Variants in OGFOD3 observed in about 807,000 individuals in gnomAD.
The protein encoded by OGFOD3 is 2-oxoglutarate and iron dependent oxygenase domain containing 3.
OGFOD3 carries 35 observed loss-of-function variants against 39.8 expected under a neutral mutation model. The observed-to-expected ratio is 0.88, with a 90% confidence interval of 0.67 to 1.17. The LOEUF (loss-of-function observed/expected upper bound fraction) is 1.17. OGFOD3 is among the 50% of genes most tolerant of loss of function. The pLI, the probability that OGFOD3 is intolerant of heterozygous loss-of-function variation, is 0.00. For missense variants in OGFOD3, 438 were observed against 454.5 expected (o/e 0.96, Z 0.33); for synonymous variants, 200 against 192.0 (o/e 1.04, Z -0.34).
chr17:82,411,459 G>A lies in OGFOD3; in HGVS notation c.376C>T (p.Arg126Cys), dbSNP rs368625223. 2.0e-5 allele frequency: 33 copies of A among 1,613,894 alleles called. No homozygotes were observed. In the African/African-American group the frequency reaches 2.5e-4, roughly 12 times the overall value. The change falls in exon 3 of 9, where the codon CGC becomes TGC. Residue 126 changes from arginine (R) to cysteine (C), a missense_variant. Coordinates refer to ENST00000313056, the MANE Select transcript of OGFOD3 (RefSeq NM_024648.3). ...VITREEAERIRSVAEKGLSLG... is the reference protein window; with the variant it reads ...VITREEAERICSVAEKGLSLG... Reference sequence around the variant, plus strand: ...TGCTCAGGGACAGGCGGTTACCTGCGAATCCGCTCCGCTTCCTCCCTGGTG... The same window carrying A: ...TGCTCAGGGACAGGCGGTTACCTGCAAATCCGCTCCGCTTCCTCCCTGGTG...
intron 8 of OGFOD3, chr17:82,393,110 G>A: frequency 6.5e-6 from 1 of 152,932 alleles, no homozygotes; most frequent in Non-Finnish European, 1.5e-5. Context: ...GGAGGCAGGG[G>A]CCTATCTCAA....
At chr17:82,417,428 G>A in intron 1 of OGFOD3, 1 of 152,178 alleles carries the variant, frequency 6.6e-6, no homozygotes, top group South Asian at 2.1e-4. Flanking sequence ...AGACCAGCCT[G>A]GCCAACATGG....
intron 4 of OGFOD3, among the ~76,000 whole-genome samples, chr17:82,408,907 C>A (rs1390174827): frequency 6.6e-6 from 1 of 152,330 alleles, no homozygotes; most frequent in East Asian, 1.9e-4. Context: ...GGGACGACAG[C>A]CCCACAGGGC....
rs1487288499 is a variant in OGFOD3, at chr17:82,404,459, C to T, written c.546-369G>A. ...TCAGCAACGAAGAGGCTGCTGTCCC[C>T]CAACGTGAGTGTGCGGGGTGTGTGG... On this transcript the variant is annotated intron_variant, in intron 6 of 8. Coordinates refer to ENST00000313056, the MANE Select transcript of OGFOD3 (RefSeq NM_024648.3). This position sits in a 1 kb window ranked among gnomAD's most constrained non-coding sequence, Gnocchi z 4.5. Among the ~76,000 whole-genome samples, 5 of 152,162 alleles carry T rather than the reference C, an allele frequency of 3.3e-5. No homozygotes were observed. The highest frequency in any genetic ancestry group is 7.4e-5 in the Non-Finnish European group (5 of 68,012).
chr17:82,402,924 G>A (rs1333856022), intron 7 of OGFOD3, among the ~76,000 whole-genome samples: 2 of 152,138 alleles, frequency 1.3e-5, no homozygotes, highest in African/African-American at 2.4e-5. Context: ...GTCGGGGCAC[G>A]CACCTGTGGT....
At chr17:82,411,345 C>T in intron 3 of OGFOD3, 110 bp downstream of exon 3, 1 of 970,622 alleles carries the variant, frequency 1.0e-6, no homozygotes, top group Non-Finnish European at 1.6e-6. Context: ...CCACGCCTGG[C>T]AATAAAATCC....
intron 2 of OGFOD3, among the ~76,000 whole-genome samples, chr17:82,411,941 A>T (rs181795456): frequency 1.3e-5 from 2 of 151,922 alleles, no homozygotes; most frequent in African/African-American, 4.8e-5. Context: ...TCCTGAGACC[A>T]CCAGGGAGGA....
chr17:82,400,474 G>C (rs1401509286), intron 7 of OGFOD3, among the ~76,000 whole-genome samples: 1 of 152,210 alleles, frequency 6.6e-6, no homozygotes, highest in Non-Finnish European at 1.5e-5. Context: ...TATGCAATGG[G>C]AAGAAGGAAC....
Position 82,415,516 on chromosome 17 carries a change from G to C in OGFOD3, c.186C>G (p.Ser62Arg). The change falls in exon 2 of 9, where the codon AGC becomes AGG. Residue 62 changes from serine to arginine, a missense_variant. Ser to Arg is a moderately radical substitution (Grantham distance 110). Transcript: ENST00000313056. The surrounding 1 kb of genome is among the most constrained non-coding windows in gnomAD (Gnocchi z 5.3). ...CGACCCCGTCGTCGGCCCCCAAGCTGCTCCAGAGCAGGAGTGCGGTGAGCA... is the reference window on the plus strand; with the variant it reads ...CGACCCCGTCGTCGGCCCCCAAGCTCCTCCAGAGCAGGAGTGCGGTGAGCA... ...GFVLTALLLWSSLGADDGVAE... is the reference protein window; with the variant it reads ...GFVLTALLLWRSLGADDGVAE... 6.2e-7 allele frequency: 1 copy of C among 1,613,650 alleles called. No individual in the cohort carries two copies.
At chr17:82,400,292 G>A (rs79682130) in intron 7 of OGFOD3, among the ~76,000 whole-genome samples, 33,756 of 137,594 alleles carry the variant, frequency 0.25, 4,833 homozygotes, top group Non-Finnish European at 0.34. Flanking sequence ...GATGCCCCCC[G>A]GAGTCCCCCC....
At chr17:82,394,920 G>A (rs2052649030) in intron 8 of OGFOD3, among the ~76,000 whole-genome samples, 1 of 152,214 alleles carries the variant, frequency 6.6e-6, no homozygotes, top group African/African-American at 2.4e-5. Context: ...CATCACTGCT[G>A]GAGAACTAAG....
At position 82,415,161 on chromosome 17, in the gene OGFOD3, A is replaced by G. The variant is rs1320181137; in HGVS notation, c.304+237T>C. ...CATCCCTATCTTTCCAAGGCAAACC[A>G]TCTCCTCCGCTGGACCGCACAGCTT... On this transcript the variant is annotated intron_variant, in intron 2 of 8. Coordinates refer to ENST00000313056, the MANE Select transcript of OGFOD3 (RefSeq NM_024648.3). The surrounding 1 kb of genome is among the most constrained non-coding windows in gnomAD (Gnocchi z 5.3). 6.6e-6 allele frequency among the ~76,000 whole-genome samples: 1 copy of G among 152,186 alleles called. No homozygotes were observed. Among genetic ancestry groups the G allele is most frequent in the Non-Finnish European group, 1.5e-5 (1 of 68,036 alleles).
In OGFOD3 at chr17:82,418,500, G is replaced by C; in HGVS notation, c.-15C>G. On this transcript the variant is annotated 5_prime_UTR_variant, in exon 1 of 9. Coordinates refer to ENST00000313056, the MANE Select transcript of OGFOD3 (RefSeq NM_024648.3). ...TGAGGAGCCATCGGACCAGGCCGCC[G>C]CGGAGCCGGGCCGGACGCGGGCGCC... 3.7e-6 allele frequency: 5 copies of C among 1,348,094 alleles called. No homozygotes were observed. Among genetic ancestry groups the C allele is most frequent in the Non-Finnish European group, 4.8e-6 (5 of 1,051,106 alleles). 83.5% of individuals were successfully genotyped at this position (1,348,094 alleles called of 1,614,324 possible). A position where few individuals can be genotyped will look rare whatever the true frequency, so the allele number is the denominator to read the frequency against.
At chr17:82,402,401 C>T (rs2052781176) in intron 7 of OGFOD3, among the ~76,000 whole-genome samples, 1 of 150,414 alleles carries the variant, frequency 6.6e-6, no homozygotes, top group Non-Finnish European at 1.5e-5. Context: ...CACAACTGCA[C>T]TCCAACCTGG....
intron 7 of OGFOD3, among the ~76,000 whole-genome samples, chr17:82,399,607 C>A (rs183105957): frequency 9.7e-4 from 148 of 152,342 alleles, no homozygotes; most frequent in African/African-American, 3.4e-3. Flanking sequence ...GCTCCGTCCC[C>A]AGGAAGCACT....
chr17:82,397,832 G>C (rs1459819472), intron 8 of OGFOD3, among the ~76,000 whole-genome samples: 1 of 152,082 alleles, frequency 6.6e-6, no homozygotes. Flanking sequence ...TCTAATCTTA[G>C]GTTGCGAGTC....
intron 2 of OGFOD3, among the ~76,000 whole-genome samples, chr17:82,414,457 G>A (rs1393814674): frequency 2.0e-5 from 3 of 152,114 alleles, no homozygotes; most frequent in Non-Finnish European, 2.9e-5. Context: ...TTTTAATGTC[G>A]ATAAATTATT....
chr17:82,406,376 C>T lies in OGFOD3; in HGVS notation c.488+42G>A, dbSNP rs758864846. ...GCTAAGAGGCACGGAGCCGCTCACT[C>T]GGCTTTCAGAGCCAGCACTGAGGTC... is the stretch of plus-strand genomic sequence containing the variant. On this transcript the variant is annotated intron_variant, in intron 5 of 8. Transcript: ENST00000313056. The surrounding 1 kb of genome is among the most constrained non-coding windows in gnomAD (Gnocchi z 5.2). 13 of 1,587,786 alleles carry T rather than the reference C, an allele frequency of 8.2e-6. 1 individual carries two copies. Among genetic ancestry groups the T allele is most frequent in the African/African-American group, 5.4e-5 (4 of 74,554 alleles).
chr17:82,409,536 A>G, intron 3 of OGFOD3, 126 bp from the exon 4 acceptor site: 1 of 864,866 alleles, frequency 1.2e-6, no homozygotes, highest in Non-Finnish European at 1.9e-6. Context: ...TTTATGATGT[A>G]AACAAATGTT....
Sources: allele counts gnomAD v4.1 joint callset (sites outside exome capture counted in the v4.1 genomes callset), GRCh38; gene constraint gnomAD v4.1.1; non-coding constraint Gnocchi (gnomAD v3.1); transcripts MANE v1.5; gene names NCBI Gene and HGNC (gene_info 2026-07-23, HGNC 2026-07-21).